Variants in ITGA11 observed in about 807,000 individuals in gnomAD.
ITGA11 encodes the protein integrin subunit alpha 11, also known as integrin alpha-11.
Under a neutral mutation model 141.9 loss-of-function variants are expected in ITGA11, and 97 were observed. The observed-to-expected ratio is 0.68, with a 90% CI of 0.58 to 0.81. ITGA11 has a LOEUF of 0.81. ITGA11 is among the 30% of genes least tolerant of loss of function. The pLI is 0.00. For synonymous variants in ITGA11, 658 were observed against 624.6 expected (o/e 1.05, Z -0.80); for missense variants, 1,387 against 1,559.2 (o/e 0.89, Z 1.86).
At chr15:68,379,375 A>G (rs559804914) in intron 2 of ITGA11, among the ~76,000 whole-genome samples, 12 of 152,342 alleles carry the variant, frequency 7.9e-5, no homozygotes, top group African/African-American at 2.2e-4. Flanking sequence ...TTGCCTGTAG[A>G]TAGCAGAGAG....
At chr15:68,349,040 C>A in intron 9 of ITGA11, 140 bp from the exon 10 acceptor site, 1 of 736,266 alleles carries the variant, frequency 1.4e-6, no homozygotes, top group South Asian at 1.7e-5. Flanking sequence ...GGCTCTGAAG[C>A]TGAGGCCAGT....
chr15:68,312,513 T>C (rs1445552432), intron 24 of ITGA11, among the ~76,000 whole-genome samples: 5 of 152,186 alleles, frequency 3.3e-5, no homozygotes, highest in Non-Finnish European at 7.3e-5. Context: ...TTTAAACCAC[T>C]GTTTAAAAAA....
At chr15:68,386,176 G>A (rs1441971544) in intron 2 of ITGA11, among the ~76,000 whole-genome samples, 1 of 152,200 alleles carries the variant, frequency 6.6e-6, no homozygotes, top group East Asian at 1.9e-4. Context: ...CCTATGCCAG[G>A]TAGGTCCATT....
chr15:68,402,867 G>A (rs1405179117), intron 2 of ITGA11, 51 bp downstream of exon 2: 3 of 1,262,810 alleles, frequency 2.4e-6, no homozygotes, highest in Non-Finnish European at 3.4e-6. Context: ...GATGGAGGGG[G>A]CTGGGTGTGG....
intron 26 of ITGA11, among the ~76,000 whole-genome samples, chr15:68,309,854 C>T (rs374110981): frequency 3.9e-5 from 6 of 152,108 alleles, no homozygotes; most frequent in Non-Finnish European, 5.9e-5. Context: ...CCACCTGCCT[C>T]GGCCTCCCAA....
At chr15:68,429,139 A>G (rs1291370051) in intron 1 of ITGA11, among the ~76,000 whole-genome samples, 2 of 152,216 alleles carry the variant, frequency 1.3e-5, no homozygotes, top group African/African-American at 4.8e-5. Context: ...CATGCCTGGC[A>G]CTTTCTAAGC....
chr15:68,338,384 C>A (rs1407485681), intron 11 of ITGA11, among the ~76,000 whole-genome samples: 1 of 152,232 alleles, frequency 6.6e-6, no homozygotes, highest in Non-Finnish European at 1.5e-5. Context: ...TGAGGGCAGG[C>A]GCTGTGTCCT....
In ITGA11 at chr15:68,324,672, G is replaced by C. The variant is rs552046193; in HGVS notation, c.2322+459C>G. Among the ~76,000 whole-genome samples the C allele has an allele frequency of 3.9e-5, 6 of 152,162 alleles. No homozygotes were observed. In the South Asian group the frequency reaches 1.2e-3, roughly 32 times the overall value. ...GAATGCTTAGGACCGCTGTCAGTCA[G>C]TTAAAACACTTCTTTTTGCAATACT... On this transcript the variant is annotated intron_variant, in intron 18 of 29. Coordinates refer to ENST00000315757, the MANE Select transcript of ITGA11 (RefSeq NM_001004439.2). This position sits in a 1 kb window ranked among gnomAD's most constrained non-coding sequence, Gnocchi z 6.3.
intron 2 of ITGA11, among the ~76,000 whole-genome samples, chr15:68,373,452 G>A (rs1895647521): frequency 6.6e-6 from 1 of 152,188 alleles, no homozygotes; most frequent in Non-Finnish European, 1.5e-5. Flanking sequence ...TTGAGAAATC[G>A]AGTACTTTCC....
At position 68,369,239 on chromosome 15, in the gene ITGA11, C is replaced by G. The variant is rs202117224; in HGVS notation, c.210G>C (p.Thr70=). The G allele has an allele frequency of 2.5e-4, 409 of 1,613,950 alleles. 1 individual carries two copies. The African/African-American group carries it at 4.9e-3, about 19-fold the overall frequency. ...TCACTGGACACTTGTACACGTCTCCCGTCTTCTGGTAGCCATTGGTTTCCA... is the reference window on the plus strand; with the variant it reads ...TCACTGGACACTTGTACACGTCTCCGGTCTTCTGGTAGCCATTGGTTTCCA... ...APLETNGYQK[T]GDVYKCPVIH... Residue 70 remains threonine, a synonymous_variant, in exon 3 of 30, where the codon ACG becomes ACC. Transcript: ENST00000315757.
Position 68,305,886 on chromosome 15 carries a change from T to C in ITGA11, c.3381+1462A>G, listed in dbSNP as rs1893176057. Among the ~76,000 whole-genome samples, 1 of 152,064 alleles carries C rather than the reference T, an allele frequency of 6.6e-6. No homozygotes were observed. The highest frequency in any genetic ancestry group is 6.6e-5 in the Admixed American group (1 of 15,266). ...CTTAATTTTGGGGTTGCTGGATTTC[T>C]AAAAGAGAAATGAGGCATGGCCGGG... is the stretch of plus-strand genomic sequence containing the variant. On this transcript the variant is annotated intron_variant, in intron 28 of 29. Coordinates refer to ENST00000315757, the MANE Select transcript of ITGA11 (RefSeq NM_001004439.2). This position sits in a 1 kb window ranked among gnomAD's most constrained non-coding sequence, Gnocchi z 4.6.
rs1354034666 is a variant in ITGA11, at chr15:68,305,450, T to G, written c.3382-1565A>C. Among the ~76,000 whole-genome samples, 1 of 152,256 alleles carries G rather than the reference T, an allele frequency of 6.6e-6. No homozygotes were observed. Among genetic ancestry groups the G allele is most frequent in the East Asian group, 1.9e-4 (1 of 5,180 alleles). On this transcript the variant is annotated intron_variant, in intron 28 of 29. Transcript: ENST00000315757. This position sits in a 1 kb window ranked among gnomAD's most constrained non-coding sequence, Gnocchi z 4.6. ...GCTGTAGGAGAGTGGGGGCTTTGTC[T>G]GTTTTGTCCCTGCTCTATCCTCAGA...
At chr15:68,390,665 C>G (rs988782296) in intron 2 of ITGA11, among the ~76,000 whole-genome samples, 3 of 152,210 alleles carry the variant, frequency 2.0e-5, no homozygotes, top group Non-Finnish European at 2.9e-5. Context: ...GGGAGCCTCT[C>G]AATCAAGTCA....
Position 68,301,776 on chromosome 15 carries a change from G to A in ITGA11, c.*1283C>T, listed in dbSNP as rs1380861099. On this transcript the variant is annotated 3_prime_UTR_variant, in exon 30 of 30. Coordinates refer to ENST00000315757, the MANE Select transcript of ITGA11 (RefSeq NM_001004439.2). The surrounding 1 kb of genome is among the most constrained non-coding windows in gnomAD (Gnocchi z 4.4). Reference sequence around the variant, plus strand: ...AGGTCGTACTATGCACAGGGGGACTGATGCCTTTCATGTGTCCCCCTTGCA... The same window carrying A: ...AGGTCGTACTATGCACAGGGGGACTAATGCCTTTCATGTGTCCCCCTTGCA... The A allele has an allele frequency of 6.6e-6, 1 of 152,626 alleles. No individual in the cohort carries two copies. Among genetic ancestry groups the A allele is most frequent in the Non-Finnish European group, 1.5e-5 (1 of 68,046 alleles). 9.5% of individuals were successfully genotyped at this position (152,626 alleles called of 1,614,324 possible). A position where few individuals can be genotyped will look rare whatever the true frequency, so the allele number is the denominator to read the frequency against.
rs77603163 is a variant in ITGA11 at position 68,407,512 on chromosome 15, G to T, written c.53-4483C>A. 7.9e-3 allele frequency among the ~76,000 whole-genome samples: 1,203 copies of T among 152,268 alleles called. 5 individuals are homozygous for T. The highest frequency in any genetic ancestry group is 0.012 in the Non-Finnish European group (819 of 68,020). ...GTTTGGGAGAAGTACTTTTCTCAGA[G>T]ATTGATGACTTCCAAATACCAACAT... On this transcript the variant is annotated intron_variant, in intron 1 of 29. Coordinates refer to ENST00000315757, the MANE Select transcript of ITGA11 (RefSeq NM_001004439.2).
intron 3 of ITGA11, among the ~76,000 whole-genome samples, chr15:68,366,672 G>A (rs981333721): frequency 6.6e-6 from 1 of 152,170 alleles, no homozygotes; most frequent in Non-Finnish European, 1.5e-5. Flanking sequence ...GACAGACTCA[G>A]GTTCAAGTCT....
At chr15:68,369,877 G>C (rs1895534828) in intron 2 of ITGA11, among the ~76,000 whole-genome samples, 1 of 152,226 alleles carries the variant, frequency 6.6e-6, no homozygotes, top group Non-Finnish European at 1.5e-5. Context: ...AAGTGTCTTT[G>C]CAGATGTAAC....
chr15:68,331,722 G>A (rs933875378), intron 14 of ITGA11, 137 bp downstream of exon 14: 1 of 773,486 alleles, frequency 1.3e-6, no homozygotes, highest in Non-Finnish European at 2.1e-6. Context: ...GGGAAGCATG[G>A]CCAGGACAGA....
intron 2 of ITGA11, among the ~76,000 whole-genome samples, chr15:68,375,898 C>T (rs1448665251): frequency 6.6e-6 from 1 of 152,132 alleles, no homozygotes; most frequent in African/African-American, 2.4e-5. Context: ...AATCACCCTT[C>T]CTAATGTGGG....
Sources: allele counts gnomAD v4.1 joint callset (sites outside exome capture counted in the v4.1 genomes callset), GRCh38; gene constraint gnomAD v4.1.1; non-coding constraint Gnocchi (gnomAD v3.1); transcripts MANE v1.5; gene names NCBI Gene and HGNC (gene_info 2026-07-23, HGNC 2026-07-21).